PSEN1: variants seen among roughly 807,000 people sequenced by gnomAD.
PSEN1 encodes the protein presenilin-1.
In PSEN1, 15 loss-of-function variants were observed where a neutral mutation model predicts 53.5. That is an observed-to-expected ratio of 0.28 (90% CI 0.19 to 0.43). PSEN1 has a LOEUF of 0.43. Among genes scored for constraint, PSEN1 ranks in the 20% least tolerant of loss-of-function variants. The pLI is 1.00. For missense variants in PSEN1, 387 were observed against 571.2 expected, an observed-to-expected ratio of 0.68 and a Z score of 3.29; for synonymous variants, 208 against 209.8, an observed-to-expected ratio of 0.99 and a Z score of 0.08.
At chr14:73,217,085 G>A in intron 10 of PSEN1, 41 bp from the exon 11 acceptor site, 2 of 1,610,180 alleles carry the variant, frequency 1.2e-6, no homozygotes, top group Non-Finnish European at 1.7e-6. Flanking sequence ...TCATAGCAAA[G>A]AGTGACCAAC....
rs942827848 is a variant in PSEN1, at chr14:73,186,005, C to T, written c.481-848C>T. ...AATTAATTAAATTTTGCTGTGTGTT[C>T]GAACATTTTTGTAACAAAATGTTGG... On this transcript the variant is annotated intron_variant, in intron 5 of 11. Coordinates refer to ENST00000324501, the MANE Select transcript of PSEN1 (RefSeq NM_000021.4). 2.0e-5 allele frequency among the ~76,000 whole-genome samples: 3 copies of T among 152,118 alleles called. No homozygotes were observed. In the East Asian group the frequency reaches 5.8e-4, roughly 29 times the overall value.
At chr14:73,179,817 C>G (rs1898154391) in intron 5 of PSEN1, among the ~76,000 whole-genome samples, 3 of 152,144 alleles carry the variant, frequency 2.0e-5, no homozygotes, top group African/African-American at 7.2e-5. Flanking sequence ...CCACCTACCT[C>G]TCATTACTTT....
intron 5 of PSEN1, among the ~76,000 whole-genome samples, chr14:73,174,529 C>T (rs368437028): frequency 1.1e-4 from 16 of 152,288 alleles, no homozygotes; most frequent in Admixed American, 5.2e-4. Flanking sequence ...CCACTGCGCC[C>T]GGCCCTAAGT....
intron 3 of PSEN1, among the ~76,000 whole-genome samples, chr14:73,161,623 G>T (rs1897540044): frequency 6.6e-6 from 1 of 152,192 alleles, no homozygotes; most frequent in Admixed American, 6.5e-5. Context: ...TCCTCTCCCA[G>T]TGGAGTTGTG....
At chr14:73,213,683 A>G (rs1187580677) in intron 10 of PSEN1, among the ~76,000 whole-genome samples, 2 of 152,218 alleles carry the variant, frequency 1.3e-5, no homozygotes, top group African/African-American at 4.8e-5. Flanking sequence ...TTAATTAGAA[A>G]ACTGATCAAA....
At chr14:73,151,091 T>C (rs1271112439) in intron 3 of PSEN1, among the ~76,000 whole-genome samples, 1 of 152,098 alleles carries the variant, frequency 6.6e-6, no homozygotes, top group African/African-American at 2.4e-5. Flanking sequence ...AAAAAAACTT[T>C]ATGTGGTTTA....
At chr14:73,161,112 C>A (rs1897522817) in intron 3 of PSEN1, among the ~76,000 whole-genome samples, 1 of 151,600 alleles carries the variant, frequency 6.6e-6, no homozygotes, top group African/African-American at 2.4e-5. Flanking sequence ...GTAGCTGGAA[C>A]TATAGGCACT....
chr14:73,173,828 A>G, intron 5 of PSEN1, 121 bp downstream of exon 5: 3 of 1,251,534 alleles, frequency 2.4e-6, no homozygotes, highest in Non-Finnish European at 3.5e-6. Context: ...AGATAAGTTA[A>G]TTTTTAGTTT....
At chr14:73,202,224 A>G (rs117869781) in intron 8 of PSEN1, among the ~76,000 whole-genome samples, 8,313 of 142,074 alleles carry the variant, frequency 0.059, 322 homozygotes, top group Non-Finnish European at 0.091. Context: ...TTTTTTTTCC[A>G]TATTTTTAGT....
intron 9 of PSEN1, chr14:73,208,861 T>C (rs1398238578): frequency 4.4e-6 from 2 of 455,264 alleles, no homozygotes; most frequent in African/African-American, 4.0e-5. Context: ...ACCTGCTGTC[T>C]ATAGCTCCCA....
chr14:73,182,732 G>C (rs755381181), intron 5 of PSEN1, among the ~76,000 whole-genome samples: 2 of 151,930 alleles, frequency 1.3e-5, no homozygotes, highest in Non-Finnish European at 2.9e-5. Flanking sequence ...CCAGCTACTC[G>C]GGAGGCTAAG....
At chr14:73,197,984 T>G in intron 7 of PSEN1, 47 bp from the exon 8 acceptor site, 2 of 1,048,024 alleles carry the variant, frequency 1.9e-6, no homozygotes, top group Non-Finnish European at 3.0e-6. Flanking sequence ...TTTACAAGTT[T>G]AGCCCATACA....
At chr14:73,155,997 C>T (rs1897343319) in intron 3 of PSEN1, among the ~76,000 whole-genome samples, 1 of 152,040 alleles carries the variant, frequency 6.6e-6, no homozygotes, top group African/African-American at 2.4e-5. Context: ...TATGTGGGAA[C>T]TCTGTGTACT....
intron 5 of PSEN1, among the ~76,000 whole-genome samples, chr14:73,186,084 T>C (rs1014210420): frequency 3.3e-5 from 5 of 152,164 alleles, no homozygotes; most frequent in Admixed American, 6.6e-5. Context: ...GGATATAATT[T>C]AGAATATTCA....
At chr14:73,213,962 G>T (rs1415519597) in intron 10 of PSEN1, among the ~76,000 whole-genome samples, 1 of 152,044 alleles carries the variant, frequency 6.6e-6, no homozygotes, top group Non-Finnish European at 1.5e-5. Context: ...AATATGACCC[G>T]GTAATTCTAC....
At chr14:73,163,836 C>T (rs1380221006) in intron 3 of PSEN1, among the ~76,000 whole-genome samples, 1 of 151,992 alleles carries the variant, frequency 6.6e-6, no homozygotes, top group Non-Finnish European at 1.5e-5. Flanking sequence ...TTTTAGACTT[C>T]ATGAGCCTAA....
At chr14:73,188,162 C>T (rs1048619528) in intron 6 of PSEN1, among the ~76,000 whole-genome samples, 3 of 151,854 alleles carry the variant, frequency 2.0e-5, no homozygotes, top group Admixed American at 6.6e-5. Context: ...CTCCTGACCT[C>T]GTGATCCGCC....
At chr14:73,197,924 GAC>G (rs2140104674) in intron 7 of PSEN1, 105 bp from the exon 8 acceptor site, 4 of 687,372 alleles carry the variant, frequency 5.8e-6, no homozygotes, top group South Asian at 4.7e-5. Context: ...TGTAAAAAGA[GAC>G]AAAAAACATT....
intron 3 of PSEN1, among the ~76,000 whole-genome samples, chr14:73,165,755 A>T (rs1897692729): frequency 6.8e-6 from 1 of 146,482 alleles, no homozygotes; most frequent in Admixed American, 6.9e-5. Flanking sequence ...TCTTAAAAAA[A>T]AAAAAAAAAA....
Sources: gnomAD v4.1 joint callset for allele counts (sites outside exome capture counted in the v4.1 genomes callset) on GRCh38, gnomAD v4.1.1 for gene constraint, MANE v1.5 for transcripts, NCBI Gene and HGNC (gene_info 2026-07-23, HGNC 2026-07-21) for gene names.